Variants in FCHSD2 observed in about 807,000 individuals in gnomAD.
FCHSD2 encodes F-BAR and double SH3 domains protein 2.
Under a neutral mutation model 108.1 loss-of-function variants are expected in FCHSD2, and 38 were observed. The observed-to-expected ratio is 0.35, with a 90% CI of 0.27 to 0.46. The LOEUF (loss-of-function observed/expected upper bound fraction) is 0.46. Ranked by LOEUF, FCHSD2 falls within the 20% of genes least tolerant of loss-of-function variation. The pLI is 1.00. For synonymous variants in FCHSD2, 279 were observed against 314.7 expected, an observed-to-expected ratio of 0.89 and a Z score of 1.20; for missense variants, 751 against 897.8, an observed-to-expected ratio of 0.84 and a Z score of 2.09.
chr11:73,075,413 A>G (rs1859526441), intron 3 of FCHSD2, among the ~76,000 whole-genome samples: 2 of 152,380 alleles, frequency 1.3e-5, no homozygotes, highest in South Asian at 2.1e-4. Context: ...TGTTATTATC[A>G]GAAACAACAG....
At chr11:72,874,324 C>CT (rs1854923406) in intron 12 of FCHSD2, among the ~76,000 whole-genome samples, 1 of 152,082 alleles carries the variant, frequency 6.6e-6, no homozygotes, top group Non-Finnish European at 1.5e-5. Context: ...GTAGCTAGGA[C>CT]TACAGGTGCA....
chr11:73,069,171 C>A (rs1273291408), intron 3 of FCHSD2, among the ~76,000 whole-genome samples: 1 of 141,630 alleles, frequency 7.1e-6, no homozygotes, highest in Non-Finnish European at 1.6e-5. Flanking sequence ...ATTAGCCAGG[C>A]GTGGTGGCAT....
intron 2 of FCHSD2, among the ~76,000 whole-genome samples, chr11:73,125,517 G>C (rs1282564808): frequency 6.6e-6 from 1 of 151,990 alleles, no homozygotes; most frequent in Non-Finnish European, 1.5e-5. Context: ...ATGCCTGGGA[G>C]ACATAGTAAG....
intron 17 of FCHSD2, 100 bp from the exon 18 acceptor site, chr11:72,841,683 T>A: frequency 7.9e-6 from 10 of 1,263,910 alleles, no homozygotes; most frequent in Non-Finnish European, 1.1e-5. Flanking sequence ...TCTCTAAAGC[T>A]AAGCTGATTG....
chr11:72,944,173 G>C (rs924107755), intron 8 of FCHSD2, among the ~76,000 whole-genome samples: 5 of 151,974 alleles, frequency 3.3e-5, no homozygotes, highest in Non-Finnish European at 7.4e-5. Flanking sequence ...AAACTGAATC[G>C]AGCAGCACAT....
intron 3 of FCHSD2, among the ~76,000 whole-genome samples, chr11:73,060,215 C>T (rs571420558): frequency 6.6e-6 from 1 of 152,114 alleles, no homozygotes; most frequent in African/African-American, 2.4e-5. Flanking sequence ...GAAAGTAACA[C>T]CCATTCAAGG....
intron 3 of FCHSD2, among the ~76,000 whole-genome samples, chr11:73,028,001 C>T (rs559347584): frequency 2.0e-5 from 3 of 152,248 alleles, no homozygotes; most frequent in Non-Finnish European, 4.4e-5. Context: ...CCTGGATGTC[C>T]AGGCAGAAGT....
intron 14 of FCHSD2, chr11:72,843,746 T>C (rs534844135): frequency 3.7e-6 from 2 of 544,546 alleles, no homozygotes; most frequent in South Asian, 5.1e-5. Flanking sequence ...CTCAAGAAAC[T>C]GAATCCTCAA....
At chr11:73,015,698 G>A in intron 4 of FCHSD2, 111 bp downstream of exon 4, 1 of 568,494 alleles carries the variant, frequency 1.8e-6, no homozygotes, top group South Asian at 2.9e-5. Context: ...CGAAAACACA[G>A]CAGAGGAAAG....
intron 4 of FCHSD2, among the ~76,000 whole-genome samples, chr11:73,008,164 C>A (rs930575521): frequency 5.9e-5 from 9 of 151,944 alleles, no homozygotes; most frequent in Admixed American, 5.3e-4. Flanking sequence ...CATAGTAAAA[C>A]CCCATCTCTA....
intron 3 of FCHSD2, among the ~76,000 whole-genome samples, chr11:73,027,751 G>A (rs1858261841): frequency 6.6e-6 from 1 of 152,256 alleles, no homozygotes; most frequent in Admixed American, 6.5e-5. Context: ...AAATGGTTTT[G>A]TAGCCCAGGA....
chr11:73,052,415 T>TA (rs1197741044), intron 3 of FCHSD2, among the ~76,000 whole-genome samples: 5 of 151,880 alleles, frequency 3.3e-5, no homozygotes, highest in South Asian at 4.2e-4. Context: ...ATTTTTTTTT[T>TA]AAAAAAAGAC....
chr11:72,980,708 GTA>G (rs1165578548), intron 8 of FCHSD2, among the ~76,000 whole-genome samples: 1 of 148,622 alleles, frequency 6.7e-6, no homozygotes, highest in Admixed American at 6.8e-5. Context: ...ATGTATGTAT[GTA>G]TATATATGTA....
At chr11:72,951,836 C>T (rs959524574) in intron 8 of FCHSD2, among the ~76,000 whole-genome samples, 1 of 152,162 alleles carries the variant, frequency 6.6e-6, no homozygotes, top group African/African-American at 2.4e-5. Flanking sequence ...ATCAATCATG[C>T]TTGCTGAGGA....
At chr11:73,131,836 T>G (rs1361043958) in intron 2 of FCHSD2, among the ~76,000 whole-genome samples, 2 of 152,232 alleles carry the variant, frequency 1.3e-5, no homozygotes, top group Non-Finnish European at 2.9e-5. Flanking sequence ...TCATTTATAC[T>G]TATTAAAAGA....
chr11:72,951,458 T>C (rs764999314), intron 8 of FCHSD2, among the ~76,000 whole-genome samples: 3 of 152,216 alleles, frequency 2.0e-5, no homozygotes, highest in Non-Finnish European at 4.4e-5. Context: ...CACTGACTTA[T>C]ACGTAAAGCA....
intron 5 of FCHSD2, among the ~76,000 whole-genome samples, chr11:72,997,704 T>C (rs1366579900): frequency 6.6e-6 from 1 of 152,220 alleles, no homozygotes; most frequent in Admixed American, 6.5e-5. Flanking sequence ...TATGAGGTTT[T>C]CTTTGTTTTG....
intron 10 of FCHSD2, among the ~76,000 whole-genome samples, chr11:72,896,014 G>T (rs376924376): frequency 6.6e-6 from 1 of 152,002 alleles, no homozygotes; most frequent in East Asian, 1.9e-4. Flanking sequence ...TATAGACAAG[G>T]GAAATTTTTG....
chr11:73,053,868 A>T (rs1416778031), intron 3 of FCHSD2, among the ~76,000 whole-genome samples: 3 of 152,216 alleles, frequency 2.0e-5, no homozygotes, highest in Non-Finnish European at 2.9e-5. Context: ...CCTATGTATG[A>T]CCATTTAAAT....
Sources: allele counts gnomAD v4.1 joint callset (sites outside exome capture counted in the v4.1 genomes callset), GRCh38; gene constraint gnomAD v4.1.1; transcripts MANE v1.5; gene names NCBI Gene and HGNC (gene_info 2026-07-23, HGNC 2026-07-21).